The following SBNO2 variants were observed in gnomAD, a reference collection of about 807,000 sequenced individuals.
SBNO2 encodes the protein strawberry notch homolog 2, also known as protein strawberry notch homolog 2.
Under a neutral mutation model 146.3 loss-of-function variants are expected in SBNO2, and 89 were observed. The observed-to-expected ratio is 0.61, with a 90% CI of 0.51 to 0.73. SBNO2 has a LOEUF of 0.73. Ranked by LOEUF, SBNO2 falls within the 30% of genes least tolerant of loss-of-function variation. SBNO2 has a pLI of 0.00. For synonymous variants in SBNO2, 1,147 were observed against 892.6 expected, an observed-to-expected ratio of 1.29 and a Z score of -5.08; for missense variants, 2,092 against 2,003.7, an observed-to-expected ratio of 1.04 and a Z score of -0.84.
intron 1 of SBNO2, among the ~76,000 whole-genome samples, chr19:1,167,619 C>T (rs941344284): frequency 1.3e-5 from 2 of 152,214 alleles, no homozygotes; most frequent in South Asian, 2.1e-4. Context: ...AAGGGTCCCA[C>T]GCATGAGGAC....
chr19:1,115,684 C>G, intron 17 of SBNO2: 1 of 419,606 alleles, frequency 2.4e-6, no homozygotes, highest in Non-Finnish European at 4.3e-6. Flanking sequence ...TGGGGGTTAT[C>G]AATGGGCTCC....
In SBNO2 at chr19:1,123,632, C is replaced by G. The variant is rs375981067; in HGVS notation, c.530G>C (p.Ser177Thr). 6.2e-7 allele frequency: 1 copy of G among 1,612,218 alleles called. No homozygotes were observed. The highest frequency in any genetic ancestry group is 1.3e-5 in the African/African-American group (1 of 75,028). ...TPLLVSYQEQ[S>T]VQSQPEEEDE... ...CTCCTCCTCTGGCTGGCTCTGCACA[C>G]TCTGCTCCTGCGTGCGTGGCGGGAG... The change falls in exon 7 of 32, where the codon AGT (serine) becomes ACT (threonine). Residue 177 changes from serine to threonine, a missense_variant. By Grantham distance (58) the Ser-to-Thr change is moderately conservative. Transcript: ENST00000361757.
At chr19:1,146,978 G>A (rs1419417213) in intron 4 of SBNO2, among the ~76,000 whole-genome samples, 1 of 152,160 alleles carries the variant, frequency 6.6e-6, no homozygotes, top group Admixed American at 6.5e-5. Flanking sequence ...CGCCTAGAGG[G>A]AGGGCCGTGG....
In SBNO2 at chr19:1,112,283, T is replaced by C; in HGVS notation, c.2534A>G (p.Asn845Ser). 6.3e-7 allele frequency: 1 copy of C among 1,587,548 alleles called. No homozygotes were observed. The highest frequency in any genetic ancestry group is 8.6e-7 in the Non-Finnish European group (1 of 1,167,806). The change falls in exon 22 of 32, where the codon AAC becomes AGC. Residue 845 changes from asparagine to serine, a missense_variant. Asn to Ser is a conservative substitution (Grantham distance 46). Coordinates refer to ENST00000361757, the MANE Select transcript of SBNO2 (RefSeq NM_014963.3). The surrounding 1 kb of genome is among the most constrained non-coding windows in gnomAD (Gnocchi z 5.9). ...IQQFGRTHRS[N>S]QVSAPEYVFL... ...GACATACTCTGGCGCGGAGACCTGGTTGGACCGGTGGGTGCGGCCTGGGGG... is the reference window on the plus strand; with the variant it reads ...GACATACTCTGGCGCGGAGACCTGGCTGGACCGGTGGGTGCGGCCTGGGGG...
chr19:1,128,540 G>A (rs936014397), intron 4 of SBNO2, among the ~76,000 whole-genome samples: 3 of 151,866 alleles, frequency 2.0e-5, no homozygotes, highest in Non-Finnish European at 2.9e-5. Flanking sequence ...TTACAGGCAC[G>A]TGCCACCACG....
Position 1,123,412 on chromosome 19 carries a change from C to T in SBNO2, c.628+122G>A, listed in dbSNP as rs1431833334. 2.7e-5 allele frequency: 23 copies of T among 838,716 alleles called. 1 individual carries two copies. Among genetic ancestry groups the T allele is most frequent in the Middle Eastern group, 2.3e-4 (1 of 4,326 alleles). 52.0% of individuals were successfully genotyped at this position (838,716 alleles called of 1,614,324 possible). A position where few individuals can be genotyped will look rare whatever the true frequency, so the allele number is the denominator to read the frequency against. ...TTGTAGAACCTGTCCCCGGGCTCTC[C>T]GGCCCTCCCTGAAGCTTCACATTCC... On this transcript the variant is annotated intron_variant, in intron 7 of 31. Transcript: ENST00000361757.
intron 4 of SBNO2, among the ~76,000 whole-genome samples, chr19:1,142,505 C>G (rs1340247705): frequency 6.6e-6 from 1 of 151,106 alleles, no homozygotes; most frequent in Non-Finnish European, 1.5e-5. Flanking sequence ...TATGGTGAAA[C>G]CCCGTCTCTA....
Position 1,149,410 on chromosome 19 carries a change from G to T in SBNO2, c.126C>A (p.Thr42=), listed in dbSNP as rs776793869. Residue 42 remains threonine (T), a synonymous_variant, in exon 3 of 32, where the codon ACC becomes ACA. Coordinates refer to ENST00000361757, the MANE Select transcript of SBNO2 (RefSeq NM_014963.3). ...SAMLHCPYWN[T]FSLPPYPAFS... ...AGGCAGGGTATGGCGGCAGCGAGAA[G>T]GTGTTCCAGTAGGGGCAGTGCAGCA... is the stretch of plus-strand genomic sequence containing the variant. 6.4e-7 allele frequency: 1 copy of T among 1,552,316 alleles called. No homozygotes were observed. Among genetic ancestry groups the T allele is most frequent in the South Asian group, 1.2e-5 (1 of 84,132 alleles).
rs2079704397 is a variant in SBNO2 at position 1,108,558 on chromosome 19, C to G, written c.3763G>C (p.Glu1255Gln). ...RPLALPCGPG[E>Q]VLDLTYSPPA... ...GGGCTGTAGGTGAGGTCCAGCACCT[C>G]TCCGGGGCCGCAAGGCAGCGCCAGC... is the stretch of plus-strand genomic sequence containing the variant. Residue 1255 changes from glutamate to glutamine, a missense_variant, in exon 32 of 32, where the codon GAG becomes CAG. Coordinates refer to ENST00000361757, the MANE Select transcript of SBNO2 (RefSeq NM_014963.3). 1.4e-5 allele frequency: 18 copies of G among 1,247,102 alleles called. No individual in the cohort carries two copies. The Admixed American group carries it at 2.3e-4, about 16-fold the overall frequency. The allele number at this position is 1,247,102 out of a possible 1,614,324, so 77.3% of individuals were successfully genotyped here.
chr19:1,145,705 G>A (rs541638333), intron 4 of SBNO2, among the ~76,000 whole-genome samples: 21 of 152,150 alleles, frequency 1.4e-4, no homozygotes, highest in South Asian at 6.2e-4. Flanking sequence ...CTGGACAGGC[G>A]CCTCCCCTGC....
At chr19:1,123,299 G>A (rs2079926992) in intron 7 of SBNO2, among the ~76,000 whole-genome samples, 1 of 152,086 alleles carries the variant, frequency 6.6e-6, no homozygotes, top group Non-Finnish European at 1.5e-5. Flanking sequence ...GCTTGCAGGA[G>A]GGGCAAATGC....
chr19:1,158,589 G>A lies in SBNO2; in HGVS notation c.-126-4187C>T, dbSNP rs537786694. Among the ~76,000 whole-genome samples the A allele has an allele frequency of 1.7e-4, 26 of 152,342 alleles. No homozygotes were observed. Among genetic ancestry groups the A allele is most frequent in the South Asian group, 8.3e-4 (4 of 4,828 alleles). Reference sequence around the variant, plus strand: ...CACCCGGCAGCATCTCAAGGCCTGCGCCAGCAAAGGCGGACATGGAGGTCT... The same window carrying A: ...CACCCGGCAGCATCTCAAGGCCTGCACCAGCAAAGGCGGACATGGAGGTCT... On this transcript the variant is annotated intron_variant, in intron 1 of 31. Coordinates refer to ENST00000361757, the MANE Select transcript of SBNO2 (RefSeq NM_014963.3). This position sits in a 1 kb window ranked among gnomAD's most constrained non-coding sequence, Gnocchi z 9.9.
In SBNO2 at chr19:1,127,622, G is replaced by T; in HGVS notation, c.423C>A (p.Ala141=). 1.9e-6 allele frequency: 3 copies of T among 1,613,098 alleles called. No homozygotes were observed. The highest frequency in any genetic ancestry group is 2.5e-6 in the Non-Finnish European group (3 of 1,179,870). Residue 141 remains alanine (A), a synonymous_variant, in exon 5 of 32, where the codon GCC becomes GCA. Transcript: ENST00000361757. ...CACTGACCTTATCGTGGGTGGAGGG[G>T]GCAGGGTTATCGTCCCAGATGGTGG... ...QVSTIWDDNP[A]PSTHDKLFQL...
intron 4 of SBNO2, among the ~76,000 whole-genome samples, chr19:1,145,525 AAG>A (rs1465730141): frequency 2.0e-5 from 3 of 151,794 alleles, no homozygotes; most frequent in Non-Finnish European, 4.4e-5. Context: ...AACACACAGA[AAG>A]AGGCAGAGAA....
intron 17 of SBNO2, chr19:1,115,222 T>C (rs1184587626): frequency 1.3e-5 from 2 of 150,762 alleles, no homozygotes; most frequent in African/African-American, 4.9e-5. Context: ...CGTGACCCAC[T>C]GCACCTAGCC....
At chr19:1,172,782 CCCCCG>C (rs2080492177) in intron 1 of SBNO2, among the ~76,000 whole-genome samples, 1 of 84,412 alleles carries the variant, frequency 1.2e-5, no homozygotes, top group African/African-American at 5.9e-5. Context: ...GCAACCGCCC[CCCCCG>C]CCCCGGCAAA....
intron 14 of SBNO2, among the ~76,000 whole-genome samples, chr19:1,118,676 C>T (rs1435301771): frequency 6.6e-6 from 1 of 152,212 alleles, no homozygotes; most frequent in Non-Finnish European, 1.5e-5. Flanking sequence ...TGAAACCAAC[C>T]TGGCCAACAT....
chr19:1,153,305 T>C (rs568178434), intron 2 of SBNO2, among the ~76,000 whole-genome samples: 9 of 151,678 alleles, frequency 5.9e-5, no homozygotes, highest in African/African-American at 2.2e-4. Context: ...TGGTGCAATC[T>C]CTGCTCACTG....
At chr19:1,133,858 G>A (rs1434199408) in intron 4 of SBNO2, among the ~76,000 whole-genome samples, 1 of 152,218 alleles carries the variant, frequency 6.6e-6, no homozygotes, top group Non-Finnish European at 1.5e-5. Context: ...AACCACAAGC[G>A]CTGCTGAGGA....
Sources: allele counts gnomAD v4.1 joint callset (sites outside exome capture counted in the v4.1 genomes callset), GRCh38; gene constraint gnomAD v4.1.1; non-coding constraint Gnocchi (gnomAD v3.1); transcripts MANE v1.5; gene names NCBI Gene and HGNC (gene_info 2026-07-23, HGNC 2026-07-21).